The following DPP6 variants were observed in gnomAD, a reference collection of about 807,000 sequenced individuals.
The protein encoded by DPP6 is dipeptidyl peptidase like 6, also known as A-type potassium channel modulatory protein DPP6.
DPP6 carries 69 observed loss-of-function variants against 122.6 expected under a neutral mutation model. The observed-to-expected ratio is 0.56, with a 90% CI of 0.46 to 0.69. The LOEUF is 0.69. Ranked by LOEUF, DPP6 falls within the 30% of genes least tolerant of loss-of-function variation. The pLI is 0.00. For synonymous variants in DPP6, 418 were observed against 433.1 expected (o/e 0.97, Z 0.43); for missense variants, 928 against 1,116.9 (o/e 0.83, Z 2.41).
At position 154,621,650 on chromosome 7, in the gene DPP6, A is replaced by C. The variant is rs184927516; in HGVS notation, c.628-16171A>C. 1.1e-4 allele frequency among the ~76,000 whole-genome samples: 17 copies of C among 152,314 alleles called. 1 individual carries two copies. Among genetic ancestry groups the C allele is most frequent in the Admixed American group, 1.1e-3 (17 of 15,298 alleles). ...CCAAAGTGCTAAGATTAGAGGCATG[A>C]GCTACCGCACCAGGCCTCTAATTTT... On this transcript the variant is annotated intron_variant, in intron 5 of 25. Coordinates refer to ENST00000377770, the MANE Select transcript of DPP6 (RefSeq NM_130797.4).
At chr7:153,975,659 T>G (rs937756397) in intron 1 of DPP6, among the ~76,000 whole-genome samples, 3 of 152,196 alleles carry the variant, frequency 2.0e-5, no homozygotes, top group Admixed American at 6.5e-5. Context: ...AAGAATGTTA[T>G]TACTTTGGCT....
At chr7:154,086,346 G>T (rs904368924) in intron 1 of DPP6, among the ~76,000 whole-genome samples, 2 of 147,202 alleles carry the variant, frequency 1.4e-5, no homozygotes, top group Admixed American at 1.4e-4. Context: ...GAGGCTGCAG[G>T]TGTGTTTTTC....
chr7:154,617,091 T>C (rs1224470442), intron 5 of DPP6, among the ~76,000 whole-genome samples: 4 of 152,184 alleles, frequency 2.6e-5, no homozygotes, highest in Admixed American at 6.5e-5. Flanking sequence ...TGGTTTGGCT[T>C]TTAAGAAGGC....
intron 8 of DPP6, among the ~76,000 whole-genome samples, chr7:154,751,947 T>C (rs1433293372): frequency 6.6e-6 from 1 of 152,132 alleles, no homozygotes; most frequent in Non-Finnish European, 1.5e-5. Flanking sequence ...CTGATCCAGA[T>C]GCCAAGAGAG....
chr7:154,054,178 T>C (rs1800625575), intron 1 of DPP6, among the ~76,000 whole-genome samples: 1 of 152,090 alleles, frequency 6.6e-6, no homozygotes, highest in African/African-American at 2.4e-5. Context: ...GCCTCTCACT[T>C]AGTCTACCCT....
chr7:153,834,074 G>A, the DPP6 span, among the ~76,000 whole-genome samples: 1 of 152,222 alleles, frequency 6.6e-6, no homozygotes, highest in Admixed American at 6.5e-5. Flanking sequence ...ATCACCTTAA[G>A]TCAGGAATTC....
chr7:153,817,419 A>G, the DPP6 span, among the ~76,000 whole-genome samples: 1 of 143,714 alleles, frequency 7.0e-6, no homozygotes, highest in Non-Finnish European at 1.6e-5. Context: ...AAACAAACCT[A>G]AAGCTTTTTG....
intron 1 of DPP6, chr7:154,305,447 G>T (rs371232095): frequency 3.3e-6 from 5 of 1,503,500 alleles, no homozygotes; most frequent in Non-Finnish European, 3.6e-6. Context: ...CTCCCAACTC[G>T]CCGTCAGACC....
chr7:153,980,164 C>T (rs1390793452), intron 1 of DPP6, among the ~76,000 whole-genome samples: 9 of 152,084 alleles, frequency 5.9e-5, no homozygotes, highest in Non-Finnish European at 1.3e-4. Flanking sequence ...GCTGTGAATC[C>T]GTCTGGTCCT....
Position 154,727,808 on chromosome 7 carries a change from C to CG in DPP6, c.807dup (p.Lys270GlufsTer21). On this transcript the variant is annotated frameshift_variant, in exon 8 of 26. Transcript: ENST00000377770. LOFTEE classifies it high-confidence loss of function. ...ACAATATCTACTACTGTGCACATGT[C>CG]GGGAAACAGGCCATCCGTGTGGTCT... is the stretch of plus-strand genomic sequence containing the variant. 1 of 1,613,718 alleles carries CG rather than the reference C, an allele frequency of 6.2e-7. No individual in the cohort carries two copies. The highest frequency in any genetic ancestry group is 8.5e-7 in the Non-Finnish European group (1 of 1,179,786).
chr7:154,287,952 C>A (rs77526845), intron 1 of DPP6, among the ~76,000 whole-genome samples: 1 of 152,138 alleles, frequency 6.6e-6, no homozygotes, highest in Non-Finnish European at 1.5e-5. Context: ...CTGCAATAGT[C>A]TTTCTTCTAC....
intron 1 of DPP6, among the ~76,000 whole-genome samples, chr7:154,207,441 A>G (rs1484585624): frequency 6.6e-6 from 1 of 152,224 alleles, no homozygotes; most frequent in Non-Finnish European, 1.5e-5. Flanking sequence ...ATGTCTGTGC[A>G]CCTAAATCAG....
At chr7:153,860,183 C>T in the DPP6 span, among the ~76,000 whole-genome samples, 2 of 152,220 alleles carry the variant, frequency 1.3e-5, no homozygotes, top group East Asian at 3.9e-4. Context: ...TTTAAAAGTA[C>T]ACCACTATTT....
In DPP6 at chr7:154,109,044, C is replaced by T. The variant is rs1211938461; in HGVS notation, c.243+55981C>T. ...GTCATGGGGGTTTGTTGAACAGACT[C>T]TTCTTAATTATACAGGAAAACGTCT... On this transcript the variant is annotated intron_variant, in intron 1 of 25. Coordinates refer to ENST00000377770, the MANE Select transcript of DPP6 (RefSeq NM_130797.4). 3.3e-5 allele frequency among the ~76,000 whole-genome samples: 5 copies of T among 152,302 alleles called. No individual in the cohort carries two copies. The East Asian group carries it at 9.6e-4, about 29-fold the overall frequency.
At chr7:154,444,415 A>C (rs1473049246) in intron 1 of DPP6, among the ~76,000 whole-genome samples, 1 of 152,216 alleles carries the variant, frequency 6.6e-6, no homozygotes, top group African/African-American at 2.4e-5. Context: ...CAGTGAGCCG[A>C]GATCGCACCA....
chr7:154,430,135 C>A (rs1818241051), intron 1 of DPP6, among the ~76,000 whole-genome samples: 1 of 152,108 alleles, frequency 6.6e-6, no homozygotes, highest in African/African-American at 2.4e-5. Flanking sequence ...TCCCCAGGCT[C>A]CTCGACGGCC....
intron 1 of DPP6, among the ~76,000 whole-genome samples, chr7:154,343,800 C>T (rs948953562): frequency 3.9e-5 from 6 of 152,130 alleles, no homozygotes; most frequent in Admixed American, 2.0e-4. Context: ...AGGCTGGTAT[C>T]GAAATCCTGA....
intron 1 of DPP6, among the ~76,000 whole-genome samples, chr7:154,377,721 C>T (rs938192200): frequency 6.6e-6 from 1 of 152,170 alleles, no homozygotes; most frequent in African/African-American, 2.4e-5. Context: ...TGAGGCCTCC[C>T]CAGCCGTGTG....
chr7:154,016,146 C>G (rs1285675580), intron 1 of DPP6, among the ~76,000 whole-genome samples: 27 of 152,162 alleles, frequency 1.8e-4, no homozygotes, highest in Admixed American at 1.8e-3. Flanking sequence ...CGCAGTGACG[C>G]ATTCCTTGAC....
Sources: gnomAD v4.1 joint callset for allele counts (sites outside exome capture counted in the v4.1 genomes callset) on GRCh38, gnomAD v4.1.1 for gene constraint, MANE v1.5 for transcripts, NCBI Gene and HGNC (gene_info 2026-07-23, HGNC 2026-07-21) for gene names.